Variants in KLHL1 observed in about 807,000 individuals in gnomAD.
KLHL1 encodes kelch like family member 1.
Under a neutral mutation model 77.7 loss-of-function variants are expected in KLHL1, and 47 were observed. The observed-to-expected ratio is 0.60, with a 90% confidence interval of 0.48 to 0.77. The LOEUF (loss-of-function observed/expected upper bound fraction) is 0.77. KLHL1 is among the 30% of genes least tolerant of loss of function. The pLI is 0.00. For missense variants in KLHL1, 925 were observed against 910.8 expected (o/e 1.02, Z -0.20); for synonymous variants, 360 against 325.2 (o/e 1.11, Z -1.15).
chr13:70,055,443 G>A (rs1308139269), intron 1 of KLHL1, among the ~76,000 whole-genome samples: 1 of 152,078 alleles, frequency 6.6e-6, no homozygotes, highest in Non-Finnish European at 1.5e-5. Context: ...TTGAAAAAAA[G>A]GATGTTAACA....
At chr13:69,876,972 G>T (rs992457177) in intron 5 of KLHL1, among the ~76,000 whole-genome samples, 1 of 152,118 alleles carries the variant, frequency 6.6e-6, no homozygotes, top group Non-Finnish European at 1.5e-5. Context: ...GCGAGGCAGA[G>T]GTTGCAGTGA....
intron 3 of KLHL1, among the ~76,000 whole-genome samples, chr13:69,954,815 A>ACG (rs1263887928): frequency 6.6e-6 from 1 of 151,066 alleles, no homozygotes; most frequent in Admixed American, 6.6e-5. Flanking sequence ...ACACACACAC[A>ACG]CACATTTTAA....
At chr13:69,840,698 A>ATGTATGTATG (rs755515234) in intron 5 of KLHL1, among the ~76,000 whole-genome samples, 126 of 146,340 alleles carry the variant, frequency 8.6e-4, no homozygotes, top group African/African-American at 3.0e-3. Flanking sequence ...ATATATATAT[A>ATGTATGTATG]TATGTATGTA....
intron 1 of KLHL1, among the ~76,000 whole-genome samples, chr13:70,010,377 A>T (rs1324788720): frequency 1.3e-5 from 2 of 152,318 alleles, no homozygotes; most frequent in South Asian, 2.1e-4. Context: ...ATTTAAAAAA[A>T]AAAGTTTGCT....
At chr13:70,093,396 T>C (rs1044543228) in intron 1 of KLHL1, among the ~76,000 whole-genome samples, 4 of 152,094 alleles carry the variant, frequency 2.6e-5, no homozygotes, top group Admixed American at 2.0e-4. Context: ...CCAAAGACTC[T>C]TAGTTAGAGA....
chr13:69,768,927 T>G (rs1875438253), intron 7 of KLHL1, among the ~76,000 whole-genome samples: 1 of 152,222 alleles, frequency 6.6e-6, no homozygotes, highest in African/African-American at 2.4e-5. Flanking sequence ...ATACCATCAA[T>G]GATATTTTAC....
At chr13:69,808,362 C>T (rs1195711438) in intron 6 of KLHL1, among the ~76,000 whole-genome samples, 2 of 152,126 alleles carry the variant, frequency 1.3e-5, no homozygotes, top group South Asian at 2.1e-4. Flanking sequence ...TAGACTGCAG[C>T]CTGAATTACA....
chr13:69,733,175 C>T (rs542943198), intron 8 of KLHL1, among the ~76,000 whole-genome samples: 1 of 151,600 alleles, frequency 6.6e-6, no homozygotes, highest in South Asian at 2.1e-4. Flanking sequence ...AATATAAACA[C>T]AGTAAAAACA....
chr13:70,070,160 A>G (rs1442738698), intron 1 of KLHL1, among the ~76,000 whole-genome samples: 2 of 152,104 alleles, frequency 1.3e-5, no homozygotes, highest in East Asian at 3.9e-4. Context: ...TCGAAAAAAA[A>G]AAAAGAAGCA....
At chr13:69,891,035 A>G (rs1881409840) in intron 4 of KLHL1, among the ~76,000 whole-genome samples, 1 of 152,114 alleles carries the variant, frequency 6.6e-6, no homozygotes. Flanking sequence ...CTCTTAGGAA[A>G]TAAACATGGA....
chr13:70,091,881 T>C (rs9572364), intron 1 of KLHL1, among the ~76,000 whole-genome samples: 23,153 of 152,102 alleles, frequency 0.15, 2,716 homozygotes, highest in African/African-American at 0.32. Flanking sequence ...ATTTTTCACA[T>C]GGATGTGTAG....
intron 4 of KLHL1, among the ~76,000 whole-genome samples, chr13:69,893,750 A>G (rs1291324426): frequency 6.6e-6 from 1 of 152,084 alleles, no homozygotes. Flanking sequence ...CATACCTCAC[A>G]TTTTCATCCT....
intron 1 of KLHL1, among the ~76,000 whole-genome samples, chr13:69,978,902 A>C (rs572606943): frequency 1.4e-4 from 22 of 152,298 alleles, no homozygotes; most frequent in African/African-American, 4.8e-4. Context: ...GTACTATTAA[A>C]GAAAAGAGTG....
At chr13:69,997,688 A>ATG (rs1401400112) in intron 1 of KLHL1, among the ~76,000 whole-genome samples, 1 of 147,356 alleles carries the variant, frequency 6.8e-6, no homozygotes, top group Non-Finnish European at 1.5e-5. Flanking sequence ...TTACTTATAT[A>ATG]TATAATATAA....
intron 2 of KLHL1, among the ~76,000 whole-genome samples, chr13:69,974,525 A>G (rs1233684663): frequency 6.6e-6 from 1 of 151,942 alleles, no homozygotes; most frequent in Non-Finnish European, 1.5e-5. Context: ...AAAATGTTGA[A>G]TTAAGATGAA....
chr13:69,794,460 TCTTAAA>T (rs1877013253), intron 7 of KLHL1, among the ~76,000 whole-genome samples: 1 of 148,930 alleles, frequency 6.7e-6, no homozygotes, highest in Non-Finnish European at 1.5e-5. Context: ...AAACAGAGCA[TCTTAAA>T]GGTGGGAGAG....
chr13:69,723,954 C>A (rs1873185210), intron 8 of KLHL1, among the ~76,000 whole-genome samples: 1 of 151,708 alleles, frequency 6.6e-6, no homozygotes, highest in Non-Finnish European at 1.5e-5. Flanking sequence ...TCTCCTGCCT[C>A]AGCCTCCCAA....
At chr13:69,967,898 A>T (rs2137279722) in intron 2 of KLHL1, among the ~76,000 whole-genome samples, 1 of 151,696 alleles carries the variant, frequency 6.6e-6, no homozygotes, top group Admixed American at 6.6e-5. Context: ...AAAAAAAAAA[A>T]AAGAAATAAA....
intron 5 of KLHL1, among the ~76,000 whole-genome samples, chr13:69,876,117 C>T (rs568420403): frequency 2.0e-5 from 3 of 152,056 alleles, no homozygotes; most frequent in African/African-American, 7.2e-5. Context: ...AGCATTTTTG[C>T]AGCTAGCCTT....
Sources: gnomAD v4.1 joint callset for allele counts (sites outside exome capture counted in the v4.1 genomes callset) on GRCh38, gnomAD v4.1.1 for gene constraint, MANE v1.5 for transcripts, NCBI Gene and HGNC (gene_info 2026-07-23, HGNC 2026-07-21) for gene names.